Variants in ARL14EPL observed in about 807,000 individuals in gnomAD.
ARL14EPL encodes the protein ARL14 effector protein-like.
Under a neutral mutation model 15.9 loss-of-function variants are expected in ARL14EPL, and 17 were observed. The ratio of observed to expected loss-of-function variants is 1.07; its 90% confidence interval spans 0.73 to 1.60. The LOEUF (loss-of-function observed/expected upper bound fraction) is 1.60. ARL14EPL is among the 40% of genes most tolerant of loss of function. ARL14EPL has a pLI of 0.00. For synonymous variants in ARL14EPL, 78 were observed against 63.8 expected (o/e 1.22, Z -1.06); for missense variants, 214 against 185.9 (o/e 1.15, Z -0.88).
At position 116,059,145 on chromosome 5, in the gene ARL14EPL, T is replaced by TTAA. The variant is rs1377526377; in HGVS notation, c.*199_*201dup. ...ACTGTGTCAACAATTTTCAAGTCCC[T>TTAA]TAACTTGCAACCAAAGAATGTAACA... On this transcript the variant is annotated 3_prime_UTR_variant, in exon 4 of 4. Coordinates refer to ENST00000686077, the MANE Select transcript of ARL14EPL (RefSeq NM_001195581.2). 1 of 589,774 alleles carries TTAA rather than the reference T, an allele frequency of 1.7e-6. No homozygotes were observed. Among genetic ancestry groups the TTAA allele is most frequent in the African/African-American group, 1.9e-5 (1 of 53,760 alleles). 36.5% of individuals were successfully genotyped at this position (589,774 alleles called of 1,614,324 possible).
intron 3 of ARL14EPL, among the ~76,000 whole-genome samples, chr5:116,057,598 G>A (rs1397445169): frequency 6.6e-6 from 1 of 152,032 alleles, no homozygotes; most frequent in East Asian, 1.9e-4. Context: ...AATTTCCTGG[G>A]GTTGCTTAGG....
intron 1 of ARL14EPL, among the ~76,000 whole-genome samples, chr5:116,044,498 T>C (rs963654689): frequency 8.7e-6 from 1 of 114,978 alleles, no homozygotes; most frequent in African/African-American, 2.6e-5. Context: ...TATATATGTG[T>C]GTGTATATAT....
chr5:116,038,193 T>A (rs1322400076), intron 1 of ARL14EPL, among the ~76,000 whole-genome samples: 1 of 152,148 alleles, frequency 6.6e-6, no homozygotes, highest in Non-Finnish European at 1.5e-5. Context: ...TATTAGTGGG[T>A]ATGCATGAGT....
intron 1 of ARL14EPL, among the ~76,000 whole-genome samples, chr5:116,045,500 T>A (rs1749250036): frequency 6.6e-6 from 1 of 152,140 alleles, no homozygotes; most frequent in Non-Finnish European, 1.5e-5. Context: ...ATCCAACAGA[T>A]CCATAGTACA....
intron 1 of ARL14EPL, among the ~76,000 whole-genome samples, chr5:116,047,311 T>A (rs1749286106): frequency 6.6e-6 from 1 of 152,202 alleles, no homozygotes; most frequent in Non-Finnish European, 1.5e-5. Context: ...TTAAAGTGCA[T>A]GCTTTCCTAT....
chr5:116,050,507 C>T (rs910388871), intron 1 of ARL14EPL, among the ~76,000 whole-genome samples: 3 of 152,120 alleles, frequency 2.0e-5, no homozygotes, highest in Admixed American at 2.0e-4. Context: ...CAGCCACTGT[C>T]GAGAGCAGTT....
chr5:116,052,438 T>C (rs1323372375), intron 2 of ARL14EPL: 1 of 610,812 alleles, frequency 1.6e-6, no homozygotes, highest in Admixed American at 2.9e-5. Context: ...CTAATCCTTA[T>C]CACACCATAC....
intron 1 of ARL14EPL, among the ~76,000 whole-genome samples, chr5:116,043,920 G>A (rs75648391): frequency 0.012 from 1,843 of 152,232 alleles, 13 homozygotes; most frequent in Non-Finnish European, 0.017. Context: ...CTAAAAGCAA[G>A]GTCAAACATT....
intron 1 of ARL14EPL, among the ~76,000 whole-genome samples, chr5:116,047,835 G>T (rs1175391394): frequency 6.6e-6 from 1 of 152,142 alleles, no homozygotes; most frequent in African/African-American, 2.4e-5. Flanking sequence ...TGGAGAAAAG[G>T]GGTGCTGGTT....
intron 1 of ARL14EPL, among the ~76,000 whole-genome samples, chr5:116,050,385 G>A (rs1259356417): frequency 6.6e-6 from 1 of 152,188 alleles, no homozygotes; most frequent in African/African-American, 2.4e-5. Flanking sequence ...TTCAGATAAT[G>A]GCTTCCAGCT....
chr5:116,040,747 G>A lies in ARL14EPL; in HGVS notation c.-10+8242G>A, dbSNP rs77227270. ...TATGCTGTTTGGGAGGCCAAGGTGG[G>A]CGGATCACGAGGTCATATCGAGACC... On this transcript the variant is annotated intron_variant, in intron 1 of 3. Coordinates refer to ENST00000686077, the MANE Select transcript of ARL14EPL (RefSeq NM_001195581.2). 1.8e-3 allele frequency among the ~76,000 whole-genome samples: 268 copies of A among 150,408 alleles called. 1 individual carries two copies. The highest frequency in any genetic ancestry group is 6.0e-3 in the African/African-American group (246 of 41,020).
intron 1 of ARL14EPL, among the ~76,000 whole-genome samples, chr5:116,035,053 G>A (rs78069896): frequency 0.016 from 2,469 of 152,262 alleles, 74 homozygotes; most frequent in African/African-American, 0.057. Context: ...CCCAATCAAT[G>A]TTCTAATGCT....
intron 1 of ARL14EPL, among the ~76,000 whole-genome samples, chr5:116,033,809 A>G (rs1749000691): frequency 1.3e-5 from 2 of 152,244 alleles, no homozygotes; most frequent in Non-Finnish European, 2.9e-5. Context: ...TGTTTCGTGA[A>G]AAAAAGGCTG....
rs574767405 is a variant in ARL14EPL at position 116,040,929 on chromosome 5, G to C, written c.-10+8424G>C. Among the ~76,000 whole-genome samples, 9 of 123,012 alleles carry C rather than the reference G, an allele frequency of 7.3e-5. No individual in the cohort carries two copies. The South Asian group carries it at 7.8e-4, about 11-fold the overall frequency. The allele number at this position is 123,012 out of a possible 152,430, so 80.7% of individuals were successfully genotyped here. On this transcript the variant is annotated intron_variant, in intron 1 of 3. Coordinates refer to ENST00000686077, the MANE Select transcript of ARL14EPL (RefSeq NM_001195581.2). The stretch of plus-strand genomic sequence containing the variant: ...CCAGAGGTGGAGCTTGCAGTGAGCT[G>C]AAATAGCGCCACTGCACTCCAGCCT...
intron 2 of ARL14EPL, among the ~76,000 whole-genome samples, chr5:116,053,384 A>C (rs1749439951): frequency 6.6e-6 from 1 of 151,740 alleles, no homozygotes; most frequent in Non-Finnish European, 1.5e-5. Flanking sequence ...AAAAAAAAAA[A>C]ACCTCCAGAG....
intron 1 of ARL14EPL, among the ~76,000 whole-genome samples, chr5:116,032,941 G>A (rs1356353145): frequency 2.0e-5 from 3 of 152,112 alleles, no homozygotes; most frequent in African/African-American, 7.2e-5. Flanking sequence ...GGGACTACAG[G>A]TGTGCACCAC....
At chr5:116,050,924 A>G (rs1480230150) in intron 1 of ARL14EPL, among the ~76,000 whole-genome samples, 1 of 152,016 alleles carries the variant, frequency 6.6e-6, no homozygotes, top group Non-Finnish European at 1.5e-5. Context: ...GCATTTTAGC[A>G]GTGGGGTTTT....
At chr5:116,056,792 A>G (rs112247754) in intron 3 of ARL14EPL, among the ~76,000 whole-genome samples, 40 of 152,280 alleles carry the variant, frequency 2.6e-4, no homozygotes, top group Non-Finnish European at 4.4e-4. Flanking sequence ...TCTAACATTT[A>G]AGTCTTTAAT....
intron 2 of ARL14EPL, among the ~76,000 whole-genome samples, chr5:116,053,195 C>T (rs1234166665): frequency 6.6e-6 from 1 of 151,868 alleles, no homozygotes; most frequent in Non-Finnish European, 1.5e-5. Flanking sequence ...TGCATATGTA[C>T]ACAAAAATTA....
Sources: allele counts gnomAD v4.1 joint callset (sites outside exome capture counted in the v4.1 genomes callset), GRCh38; gene constraint gnomAD v4.1.1; transcripts MANE v1.5; gene names NCBI Gene and HGNC (gene_info 2026-07-23, HGNC 2026-07-21).